The following SEMA5A variants were observed in gnomAD, a reference collection of about 807,000 sequenced individuals.
SEMA5A encodes semaphorin-5A.
In SEMA5A, 55 loss-of-function variants were observed where a neutral mutation model predicts 135.5. The observed-to-expected ratio is 0.41, with a 90% CI of 0.33 to 0.51. The LOEUF is 0.51. Ranked by LOEUF, SEMA5A falls within the 20% of genes least tolerant of loss-of-function variation. The pLI is 0.37. For synonymous variants in SEMA5A, 580 were observed against 546.5 expected, an observed-to-expected ratio of 1.06 and a Z score of -0.85; for missense variants, 1,290 against 1,419.9, an observed-to-expected ratio of 0.91 and a Z score of 1.47.
At chr5:9,531,440 T>C (rs382409) in intron 1 of SEMA5A, among the ~76,000 whole-genome samples, 51,944 of 151,972 alleles carry the variant, frequency 0.34, 9,062 homozygotes, top group East Asian at 0.41. Flanking sequence ...ACAGTGTATC[T>C]GTGCCAGATG....
At chr5:9,066,930 C>T (rs1227347573) in intron 16 of SEMA5A, among the ~76,000 whole-genome samples, 1 of 152,146 alleles carries the variant, frequency 6.6e-6, no homozygotes, top group Non-Finnish European at 1.5e-5. Flanking sequence ...CCACCGATCC[C>T]ATAAAAATCG....
chr5:9,163,786 G>T (rs1234752454), intron 11 of SEMA5A, among the ~76,000 whole-genome samples: 1 of 151,744 alleles, frequency 6.6e-6, no homozygotes, highest in Non-Finnish European at 1.5e-5. Flanking sequence ...AGGCACAAAA[G>T]AAAGACCATG....
intron 5 of SEMA5A, among the ~76,000 whole-genome samples, chr5:9,287,905 A>G (rs1468250490): frequency 1.3e-5 from 2 of 152,236 alleles, no homozygotes; most frequent in African/African-American, 2.4e-5. Flanking sequence ...AAATGTCATC[A>G]TGTTCAACCA....
intron 3 of SEMA5A, among the ~76,000 whole-genome samples, chr5:9,345,933 G>A (rs1036105932): frequency 6.6e-6 from 1 of 152,136 alleles, no homozygotes; most frequent in Non-Finnish European, 1.5e-5. Context: ...ACATGATAGG[G>A]AGAGAAGGCA....
At chr5:9,196,681 G>A (rs1381547898) in intron 10 of SEMA5A, among the ~76,000 whole-genome samples, 1 of 152,110 alleles carries the variant, frequency 6.6e-6, no homozygotes, top group Non-Finnish European at 1.5e-5. Flanking sequence ...CAGATGAAGG[G>A]CCTCCACCTC....
chr5:9,535,727 G>A (rs1263823758), intron 1 of SEMA5A, among the ~76,000 whole-genome samples: 1 of 152,026 alleles, frequency 6.6e-6, no homozygotes, highest in Non-Finnish European at 1.5e-5. Context: ...GAAAAGAGGG[G>A]GGCCTTTAAG....
At chr5:9,515,205 G>A (rs1736440238) in intron 1 of SEMA5A, among the ~76,000 whole-genome samples, 1 of 152,116 alleles carries the variant, frequency 6.6e-6, no homozygotes, top group South Asian at 2.1e-4. Context: ...TGTGACTGAT[G>A]GCCACTGCCC....
intron 2 of SEMA5A, among the ~76,000 whole-genome samples, chr5:9,425,017 A>C (rs886215545): frequency 1.3e-5 from 2 of 152,146 alleles, no homozygotes; most frequent in South Asian, 4.1e-4. Flanking sequence ...TGCTTCTCCA[A>C]AGGGTTCCCA....
intron 5 of SEMA5A, among the ~76,000 whole-genome samples, chr5:9,270,722 G>A (rs1749930496): frequency 6.6e-6 from 1 of 151,738 alleles, no homozygotes; most frequent in Admixed American, 6.6e-5. Flanking sequence ...GGGGGAGGAG[G>A]GTTTCCCCAG....
intron 3 of SEMA5A, among the ~76,000 whole-genome samples, chr5:9,360,734 C>T (rs554913493): frequency 4.6e-5 from 7 of 152,242 alleles, no homozygotes; most frequent in African/African-American, 1.4e-4. Context: ...TCCATGAAGC[C>T]ATGTATTAGT....
At chr5:9,472,582 C>T (rs746913488) in intron 1 of SEMA5A, among the ~76,000 whole-genome samples, 2 of 152,058 alleles carry the variant, frequency 1.3e-5, no homozygotes, top group Admixed American at 1.3e-4. Context: ...CTGAAGGAGG[C>T]TTGGGGGTTG....
chr5:9,374,937 C>G (rs1007949917), intron 3 of SEMA5A, among the ~76,000 whole-genome samples: 4 of 152,096 alleles, frequency 2.6e-5, no homozygotes. Flanking sequence ...ACCGGGGTCT[C>G]TGCTTAAACA....
chr5:9,363,700 C>T (rs975646815), intron 3 of SEMA5A, among the ~76,000 whole-genome samples: 1 of 152,130 alleles, frequency 6.6e-6, no homozygotes, highest in Non-Finnish European at 1.5e-5. Flanking sequence ...AAACTGGAGG[C>T]TTTGAGAATT....
intron 1 of SEMA5A, among the ~76,000 whole-genome samples, chr5:9,520,529 G>A (rs1397796684): frequency 6.6e-6 from 1 of 152,108 alleles, no homozygotes; most frequent in Non-Finnish European, 1.5e-5. Flanking sequence ...GGGAGAGCAG[G>A]CACTGCTCAC....
chr5:9,279,187 T>A (rs978164281), intron 5 of SEMA5A, among the ~76,000 whole-genome samples: 1 of 152,200 alleles, frequency 6.6e-6, no homozygotes, highest in Non-Finnish European at 1.5e-5. Context: ...CTTGTGTTAG[T>A]GTGGCCTGGA....
chr5:9,359,494 G>C (rs1754597648), intron 3 of SEMA5A, among the ~76,000 whole-genome samples: 1 of 152,212 alleles, frequency 6.6e-6, no homozygotes, highest in East Asian at 1.9e-4. Flanking sequence ...GGAATGGCCA[G>C]AGAAGGAATT....
At chr5:9,092,889 C>A (rs1432775430) in intron 16 of SEMA5A, among the ~76,000 whole-genome samples, 1 of 152,142 alleles carries the variant, frequency 6.6e-6, no homozygotes, top group African/African-American at 2.4e-5. Flanking sequence ...TTATTCACTA[C>A]CCTACACTCT....
chr5:9,421,562 G>A (rs994847174), intron 2 of SEMA5A, among the ~76,000 whole-genome samples: 6 of 152,140 alleles, frequency 3.9e-5, no homozygotes, highest in African/African-American at 1.4e-4. Context: ...GTAATACTGG[G>A]TGAAATAGTT....
At chr5:9,531,902 GA>G (rs1579696623) in intron 1 of SEMA5A, among the ~76,000 whole-genome samples, 1 of 152,134 alleles carries the variant, frequency 6.6e-6, no homozygotes, top group Non-Finnish European at 1.5e-5. Flanking sequence ...GTTATAATGG[GA>G]CCCCATCATA....
Sources: allele counts gnomAD v4.1 joint callset (sites outside exome capture counted in the v4.1 genomes callset), GRCh38; gene constraint gnomAD v4.1.1; transcripts MANE v1.5; gene names NCBI Gene and HGNC (gene_info 2026-07-23, HGNC 2026-07-21).